The following CUL4A variants were observed in gnomAD, a reference collection of about 807,000 sequenced individuals.
CUL4A encodes cullin-4A.
In CUL4A, 16 loss-of-function variants were observed where a neutral mutation model predicts 95.5. The observed-to-expected ratio is 0.17, with a 90% CI of 0.11 to 0.25. CUL4A has a LOEUF of 0.25. Among genes scored for constraint, CUL4A ranks in the 10% least tolerant of loss-of-function variants. The pLI, the probability that CUL4A is intolerant of heterozygous loss-of-function variation, is 1.00. For synonymous variants in CUL4A, 380 were observed against 353.1 expected (o/e 1.08, Z -0.85); for missense variants, 610 against 937.0 (o/e 0.65, Z 4.56).
chr13:113,208,556 G>C (rs780021015), upstream of CUL4A: 40 of 1,599,508 alleles, frequency 2.5e-5, no homozygotes, highest in Non-Finnish European at 3.2e-5. Context: ...GGAACACGCC[G>C]AGGGCCAACC....
chr13:113,258,887 T>C (rs900026833), intron 18 of CUL4A, among the ~76,000 whole-genome samples: 2 of 152,238 alleles, frequency 1.3e-5, no homozygotes, highest in Non-Finnish European at 2.9e-5. Flanking sequence ...CAGACAGGCC[T>C]GATCAGGGAG....
intron 4 of CUL4A, among the ~76,000 whole-genome samples, chr13:113,228,917 G>C (rs949250746): frequency 3.1e-4 from 47 of 151,432 alleles, no homozygotes; most frequent in African/African-American, 1.1e-3. Flanking sequence ...TCAGGAGATC[G>C]AGACCATCCT....
At chr13:113,224,448 C>T (rs1246588942) in intron 3 of CUL4A, among the ~76,000 whole-genome samples, 1 of 152,188 alleles carries the variant, frequency 6.6e-6, no homozygotes, top group Non-Finnish European at 1.5e-5. Context: ...TTCACCTTGA[C>T]AGCATTGCAG....
In CUL4A at chr13:113,209,729, G is replaced by C. The variant is rs1470776620; in HGVS notation, c.102G>C (p.Pro34=). Residue 34 remains proline (P), a synonymous_variant, in exon 1 of 20, where the codon CCG becomes CCC. Coordinates refer to ENST00000375440, the MANE Select transcript of CUL4A (RefSeq NM_001008895.4). The part of the protein sequence containing the change: ...PAALAAAPAK[P]GGAGGSKKLV... ...CCCTGGCCGCCGCGCCCGCCAAGCC[G>C]GGGGGCGCGGGCGGCTCCAAGAAGC... The C allele has an allele frequency of 2.6e-6, 3 of 1,162,060 alleles. No homozygotes were observed. The highest frequency in any genetic ancestry group is 2.1e-6 in the Non-Finnish European group (2 of 943,282). 72.0% of individuals were successfully genotyped at this position (1,162,060 alleles called of 1,614,324 possible).
At chr13:113,220,210 A>G (rs2040846409) in intron 3 of CUL4A, among the ~76,000 whole-genome samples, 1 of 152,228 alleles carries the variant, frequency 6.6e-6, no homozygotes, top group Admixed American at 6.5e-5. Flanking sequence ...AAGTTGAAGC[A>G]CGTGACAGGG....
chr13:113,208,272 G>T, upstream of CUL4A: 1 of 1,440,528 alleles, frequency 6.9e-7, no homozygotes, highest in South Asian at 1.4e-5. Flanking sequence ...TGGCCCGCAG[G>T]CCCTTCGGAC....
chr13:113,221,009 G>A (rs1003089132), intron 3 of CUL4A, among the ~76,000 whole-genome samples: 28 of 152,208 alleles, frequency 1.8e-4, no homozygotes, highest in Admixed American at 1.4e-3. Context: ...TGAGAACTGC[G>A]CGTCAGGCCA....
At chr13:113,224,219 G>A (rs1427424363) in intron 3 of CUL4A, among the ~76,000 whole-genome samples, 1 of 152,156 alleles carries the variant, frequency 6.6e-6, no homozygotes, top group Non-Finnish European at 1.5e-5. Context: ...CGGGCGTGGT[G>A]GCGGGCACCT....
intron 7 of CUL4A, 51 bp from the exon 8 acceptor site, chr13:113,235,012 A>C: frequency 3.2e-6 from 4 of 1,266,824 alleles, no homozygotes; most frequent in Non-Finnish European, 4.5e-6. Context: ...TTTCTTGGAT[A>C]GTGTCGACAT....
chr13:113,228,072 A>G (rs771004997), intron 4 of CUL4A, 27 bp downstream of exon 4: 10 of 1,546,734 alleles, frequency 6.5e-6, no homozygotes, highest in Middle Eastern at 1.7e-4. Flanking sequence ...TTTCATCAAA[A>G]CACGACCTCA....
Position 113,232,211 on chromosome 13 carries a change from C to T in CUL4A, c.513-966C>T, listed in dbSNP as rs368062335. On this transcript the variant is annotated intron_variant, in intron 5 of 19. Coordinates refer to ENST00000375440, the MANE Select transcript of CUL4A (RefSeq NM_001008895.4). The stretch of plus-strand genomic sequence containing the variant: ...GCTGCCACCACTACCCGCCCACCAC[C>T]ATTACTGCTGCCACCACTACCCGCC... 2.7e-3 allele frequency among the ~76,000 whole-genome samples: 20 copies of T among 7,432 alleles called. 6 individuals are homozygous for T. The highest frequency in any genetic ancestry group is 6.7e-3 in the African/African-American group (16 of 2,374). 4.9% of individuals were successfully genotyped at this position (7,432 alleles called of 152,430 possible).
intron 18 of CUL4A, among the ~76,000 whole-genome samples, chr13:113,256,358 A>C (rs1875054098): frequency 6.6e-6 from 1 of 152,166 alleles, no homozygotes; most frequent in African/African-American, 2.4e-5. Context: ...CCTGAAAATA[A>C]GATTACGTTC....
At position 113,256,926 on chromosome 13, in the gene CUL4A, G is replaced by GTTTTTTTTTTTTTTT. The variant is rs951070829; in HGVS notation, c.2031+1810_2031+1824dup. Among the ~76,000 whole-genome samples the GTTTTTTTTTTTTTTT allele has an allele frequency of 1.8e-3, 84 of 47,400 alleles. 4 individuals carry two copies. Among genetic ancestry groups the GTTTTTTTTTTTTTTT allele is most frequent in the Admixed American group, 3.2e-3 (9 of 2,840 alleles). 31.1% of individuals were successfully genotyped at this position (47,400 alleles called of 152,430 possible). A position where few individuals can be genotyped will look rare whatever the true frequency, so the allele number is the denominator to read the frequency against. On this transcript the variant is annotated intron_variant, in intron 18 of 19. Transcript: ENST00000375440. ...AATGCTTTGTCCCTTTTTTTTTTTC[G>GTTTTTTTTTTTTTTT]TTTTTTTTTTTTTTTTTTTTTTTGC... is the stretch of plus-strand genomic sequence containing the variant.
intron 14 of CUL4A, among the ~76,000 whole-genome samples, chr13:113,245,601 A>G (rs2139241966): frequency 6.6e-6 from 1 of 152,354 alleles, no homozygotes; most frequent in East Asian, 1.9e-4. Context: ...GTACCTTGTC[A>G]TAGATAGATA....
Position 113,219,016 on chromosome 13 carries a change from C to A in CUL4A, c.336C>A (p.Asp112Glu). 6.2e-7 allele frequency: 1 copy of A among 1,612,812 alleles called. No homozygotes were observed. The highest frequency in any genetic ancestry group is 1.1e-5 in the South Asian group (1 of 90,796). Residue 112 changes from aspartate (D) to glutamate (E), a missense_variant, in exon 3 of 20, where the codon GAC becomes GAA. Around this residue, in one of 10 missense-constraint regions of CUL4A, gnomAD observed 168 missense variants for 185.5 expected, o/e 0.91. Transcript: ENST00000375440. ...LYKQLRQACE[D>E]HVQAQILPFR... The stretch of plus-strand genomic sequence containing the variant: ...AGCAACTGCGTCAGGCCTGTGAAGA[C>A]CACGTCCAGGCACAGATCCTTCCGT...
chr13:113,208,735 C>A, upstream of CUL4A: 1 of 1,489,142 alleles, frequency 6.7e-7, no homozygotes. Flanking sequence ...CGCCCCCGGC[C>A]CCGCCGCGGG....
chr13:113,216,051 A>C (rs1283064723), intron 2 of CUL4A, among the ~76,000 whole-genome samples: 1 of 135,838 alleles, frequency 7.4e-6, no homozygotes, highest in Non-Finnish European at 1.5e-5. Flanking sequence ...GGTCTCGTCC[A>C]CGTGGCTGTG....
At chr13:113,245,880 C>G in intron 14 of CUL4A, 76 bp from the exon 15 acceptor site, 1 of 1,058,142 alleles carries the variant, frequency 9.5e-7, no homozygotes, top group South Asian at 1.5e-5. Context: ...TTGAAAATTA[C>G]ACGGTTTATT....
intron 16 of CUL4A, among the ~76,000 whole-genome samples, chr13:113,253,550 G>A (rs2042046859): frequency 6.6e-6 from 1 of 152,028 alleles, no homozygotes; most frequent in Admixed American, 6.5e-5. Context: ...TAAGAGATTT[G>A]ATGAAGCCTA....
Sources: gnomAD v4.1 joint callset for allele counts (sites outside exome capture counted in the v4.1 genomes callset) on GRCh38, gnomAD v4.1.1 for gene constraint, gnomAD v4.1.1 regional missense constraint, MANE v1.5 for transcripts, NCBI Gene and HGNC (gene_info 2026-07-23, HGNC 2026-07-21) for gene names.